PDZRN3: variants seen among roughly 807,000 people sequenced by gnomAD.
The protein encoded by PDZRN3 is E3 ubiquitin-protein ligase PDZRN3.
A neutral mutation model predicts 85.7 loss-of-function variants in PDZRN3; 38 were observed. The observed-to-expected ratio is 0.44, with a 90% CI of 0.34 to 0.58. PDZRN3 has a LOEUF of 0.58. PDZRN3 is among the 20% of genes least tolerant of loss of function. The probability of loss-of-function intolerance (pLI) is 0.01; values close to 1 mark genes in which losing one functional copy is unlikely to be tolerated. For missense variants in PDZRN3, 1,629 were observed against 1,506.4 expected, an observed-to-expected ratio of 1.08 and a Z score of -1.35; for synonymous variants, 759 against 638.0, an observed-to-expected ratio of 1.19 and a Z score of -2.86.
At chr3:73,566,856 T>C (rs1488182682) in intron 3 of PDZRN3, among the ~76,000 whole-genome samples, 2 of 152,210 alleles carry the variant, frequency 1.3e-5, no homozygotes, top group African/African-American at 2.4e-5. Context: ...CCTGAATCTG[T>C]GGCAGCCATA....
chr3:73,557,634 T>C (rs1701729623), intron 3 of PDZRN3, among the ~76,000 whole-genome samples: 2 of 73,394 alleles, frequency 2.7e-5, no homozygotes, highest in Non-Finnish European at 5.2e-5. Context: ...ATTAATCTCA[T>C]GGGCAATTTT....
intron 3 of PDZRN3, among the ~76,000 whole-genome samples, chr3:73,477,212 G>A (rs1178770150): frequency 1.3e-5 from 2 of 152,154 alleles, no homozygotes; most frequent in Non-Finnish European, 2.9e-5. Flanking sequence ...CACACAGTAG[G>A]CACTAATTAA....
intron 1 of PDZRN3, among the ~76,000 whole-genome samples, chr3:73,613,423 A>G (rs775177740): frequency 6.6e-6 from 1 of 152,180 alleles, no homozygotes; most frequent in East Asian, 1.9e-4. Context: ...TAGGAGAAAC[A>G]TCAAGACTAA....
intron 3 of PDZRN3, among the ~76,000 whole-genome samples, chr3:73,489,480 T>C (rs1211955451): frequency 6.6e-6 from 1 of 151,362 alleles, no homozygotes; most frequent in Non-Finnish European, 1.5e-5. Context: ...TGTAAGATAG[T>C]GAGAAGTGAG....
At chr3:73,495,848 T>G (rs1703856259) in intron 3 of PDZRN3, among the ~76,000 whole-genome samples, 1 of 152,200 alleles carries the variant, frequency 6.6e-6, no homozygotes, top group Non-Finnish European at 1.5e-5. Context: ...TCACTCTTCT[T>G]GCTTTTCAAG....
chr3:73,618,849 A>C (rs187311146), intron 1 of PDZRN3, among the ~76,000 whole-genome samples: 33 of 152,222 alleles, frequency 2.2e-4, no homozygotes, highest in African/African-American at 7.5e-4. Flanking sequence ...TAGAAGTGAC[A>C]ATCTGTAACT....
chr3:73,476,071 G>C (rs994528049), intron 3 of PDZRN3, among the ~76,000 whole-genome samples: 2 of 152,206 alleles, frequency 1.3e-5, no homozygotes, highest in African/African-American at 4.8e-5. Context: ...CACTGTGGCA[G>C]TCAGCCTCCA....
chr3:73,442,458 C>G (rs115399102), intron 3 of PDZRN3, among the ~76,000 whole-genome samples: 2 of 152,086 alleles, frequency 1.3e-5, no homozygotes, highest in African/African-American at 4.8e-5. Context: ...CTACAGGGCA[C>G]GTGAACGTGA....
intron 3 of PDZRN3, among the ~76,000 whole-genome samples, chr3:73,505,086 T>C (rs1170863054): frequency 2.8e-4 from 43 of 152,324 alleles, no homozygotes; most frequent in Non-Finnish European, 8.8e-5. Context: ...TAGTCTAAGA[T>C]AGTGTGACAC....
chr3:73,610,582 C>T (rs1365215292), intron 1 of PDZRN3, among the ~76,000 whole-genome samples: 1 of 152,148 alleles, frequency 6.6e-6, no homozygotes, highest in East Asian at 1.9e-4. Flanking sequence ...TCTTACTTTG[C>T]TATCTTAAAG....
intron 3 of PDZRN3, among the ~76,000 whole-genome samples, chr3:73,476,632 C>T (rs371819115): frequency 2.6e-5 from 4 of 152,132 alleles, no homozygotes; most frequent in African/African-American, 4.8e-5. Context: ...TAAAAGACAC[C>T]GCATCTTCCA....
intron 2 of PDZRN3, among the ~76,000 whole-genome samples, chr3:73,602,708 G>A (rs920820730): frequency 8.5e-5 from 13 of 152,110 alleles, no homozygotes; most frequent in Non-Finnish European, 1.3e-4. Context: ...TTCTTCCCCC[G>A]CCTATGGTAG....
intron 2 of PDZRN3, among the ~76,000 whole-genome samples, chr3:73,605,142 G>C (rs1354832251): frequency 2.6e-5 from 4 of 151,772 alleles, no homozygotes; most frequent in Non-Finnish European, 5.9e-5. Context: ...GGGAGGCAGA[G>C]GTTGCAGTGA....
chr3:73,556,428 TC>T (rs1701696899), intron 3 of PDZRN3, among the ~76,000 whole-genome samples: 1 of 152,032 alleles, frequency 6.6e-6, no homozygotes, highest in Non-Finnish European at 1.5e-5. Context: ...TACCAAAATT[TC>T]CATATATATT....
chr3:73,609,552 T>C (rs1428624680), intron 1 of PDZRN3, among the ~76,000 whole-genome samples: 1 of 152,216 alleles, frequency 6.6e-6, no homozygotes, highest in African/African-American at 2.4e-5. Flanking sequence ...TTTTCAATTA[T>C]ATGGATGATA....
chr3:73,404,039 T>A (rs763607587), intron 4 of PDZRN3, 109 bp downstream of exon 4: 1 of 1,105,664 alleles, frequency 9.0e-7, no homozygotes, highest in Non-Finnish European at 1.3e-6. Flanking sequence ...CATGGGCAAC[T>A]TGGAGGAAAA....
Position 73,546,875 on chromosome 3 carries a change from G to A in PDZRN3, c.918+55479C>T, listed in dbSNP as rs553742991. Among the ~76,000 whole-genome samples, 6 of 152,284 alleles carry A rather than the reference G, an allele frequency of 3.9e-5. No homozygotes were observed. The East Asian group carries it at 5.8e-4, about 15-fold the overall frequency. The stretch of plus-strand genomic sequence containing the variant: ...TGAGCGGATGATTTTTTATTACACC[G>A]TATGCATCCACATGAAGAAATAAAA... On this transcript the variant is annotated intron_variant, in intron 3 of 9. Coordinates refer to ENST00000263666, the MANE Select transcript of PDZRN3 (RefSeq NM_015009.3).
chr3:73,425,017 A>ATTT (rs201821381), intron 3 of PDZRN3, among the ~76,000 whole-genome samples: 3 of 143,380 alleles, frequency 2.1e-5, no homozygotes, highest in African/African-American at 5.1e-5. Context: ...ATCCATCAGT[A>ATTT]TTTTTTTTTT....
At chr3:73,493,267 G>A (rs1703807578) in intron 3 of PDZRN3, among the ~76,000 whole-genome samples, 1 of 151,988 alleles carries the variant, frequency 6.6e-6, no homozygotes, top group African/African-American at 2.4e-5. Context: ...CCATGGAGTG[G>A]GGAGGACAGC....
Sources: allele counts gnomAD v4.1 joint callset (sites outside exome capture counted in the v4.1 genomes callset), GRCh38; gene constraint gnomAD v4.1.1; transcripts MANE v1.5; gene names NCBI Gene and HGNC (gene_info 2026-07-23, HGNC 2026-07-21).